The following DNAJC11 variants were observed in gnomAD, a reference collection of about 807,000 sequenced individuals.
DNAJC11 encodes the protein DnaJ heat shock protein family (Hsp40) member C11, also known as dnaJ homolog subfamily C member 11.
Under a neutral mutation model 78.6 loss-of-function variants are expected in DNAJC11, and 15 were observed. The ratio of observed to expected loss-of-function variants is 0.19; its 90% CI spans 0.13 to 0.29. The LOEUF is 0.29. Among genes scored for constraint, DNAJC11 ranks in the 10% least tolerant of loss-of-function variants. DNAJC11 has a pLI of 1.00. For missense variants in DNAJC11, 547 were observed against 709.6 expected, an observed-to-expected ratio of 0.77 and a Z score of 2.60; for synonymous variants, 292 against 272.1, an observed-to-expected ratio of 1.07 and a Z score of -0.72.
intron 7 of DNAJC11, among the ~76,000 whole-genome samples, chr1:6,650,130 G>C (rs1350068071): frequency 6.6e-6 from 1 of 150,644 alleles, no homozygotes; most frequent in African/African-American, 2.4e-5. Flanking sequence ...ACAAAAATTA[G>C]TCAGGCATGG....
At position 6,635,679 on chromosome 1, in the gene DNAJC11, C is replaced by T. The variant is rs756082894; in HGVS notation, c.1676G>A (p.Gly559Glu). The T allele has an allele frequency of 1.9e-6, 3 of 1,613,916 alleles. No individual in the cohort carries two copies. In the African/African-American group the frequency reaches 4.0e-5, roughly 22 times the overall value. Residue 559 changes from glycine to glutamate, a missense_variant, in exon 16 of 16, where the codon GGA becomes GAA. By Grantham distance (98) the Gly-to-Glu change is moderately conservative. Coordinates refer to ENST00000377577, the MANE Select transcript of DNAJC11 (RefSeq NM_018198.4). ...PKQSHRIDTD[G>E] ...AAAAATCTGGTTCTTGGCAGTTTATCCATCTGTATCGATCCTGTGGGCTGT... is the reference window on the plus strand; with the variant it reads ...AAAAATCTGGTTCTTGGCAGTTTATTCATCTGTATCGATCCTGTGGGCTGT...
Position 6,636,110 on chromosome 1 carries a change from T to C in DNAJC11, c.1654+7A>G. On this transcript the variant is annotated splice_region_variant and intron_variant, in intron 15 of 15. Transcript: ENST00000377577. ...TAGCTGGTGACTGCGAAGGGACGGC[T>C]ACTCACACTGCTTTGGTATCCGGAG... 2 of 1,613,376 alleles carry C rather than the reference T, an allele frequency of 1.2e-6. No homozygotes were observed. The highest frequency in any genetic ancestry group is 1.7e-6 in the Non-Finnish European group (2 of 1,179,652).
At chr1:6,642,525 G>T (rs1213199790) in intron 10 of DNAJC11, among the ~76,000 whole-genome samples, 1 of 152,088 alleles carries the variant, frequency 6.6e-6, no homozygotes, top group Admixed American at 6.6e-5. Context: ...CAAGTAGAAG[G>T]CCAGAGCTCT....
At chr1:6,646,003 G>A in intron 7 of DNAJC11, 25 bp from the exon 8 acceptor site, 1 of 1,610,762 alleles carries the variant, frequency 6.2e-7, no homozygotes, top group South Asian at 1.1e-5. Context: ...AGACAGAATA[G>A]GTCCTGGATA....
At chr1:6,672,891 A>T (rs1316032038) in intron 3 of DNAJC11, among the ~76,000 whole-genome samples, 2 of 152,114 alleles carry the variant, frequency 1.3e-5, no homozygotes, top group Non-Finnish European at 2.9e-5. Context: ...GAATCCATAC[A>T]ACTGCTGTTC....
rs777044711 is a variant in DNAJC11 at position 6,653,981 on chromosome 1, T to C, written c.437A>G (p.Tyr146Cys). ...TDLFDRYDEE[Y>C]EDVSGSSFPQ... is the part of the protein sequence containing the mutation. ...AAAGCTACTGCCGGACACATCTTCA[T>C]ACTCCTCATCATAGCGATCAAAAAG... The change falls in exon 5 of 16, where the codon TAT (tyrosine) becomes TGT (cysteine). Residue 146 changes from tyrosine to cysteine, a missense_variant. Physicochemically the swap from Tyr to Cys is radical, Grantham distance 194. Transcript: ENST00000377577. The surrounding 1 kb of genome is among the most constrained non-coding windows in gnomAD (Gnocchi z 4.5). 1.3e-5 allele frequency: 21 copies of C among 1,613,726 alleles called. No homozygotes were observed. The highest frequency in any genetic ancestry group is 1.7e-5 in the Non-Finnish European group (20 of 1,179,682).
chr1:6,658,318 C>T (rs12755051), intron 4 of DNAJC11, among the ~76,000 whole-genome samples: 45,817 of 152,120 alleles, frequency 0.3, 7,449 homozygotes, highest in South Asian at 0.47. Flanking sequence ...ACGAATGAGA[C>T]AATTACTAAT....
In DNAJC11 at chr1:6,634,910, T is replaced by TGGTGCAGGC. The variant is rs1641731658; in HGVS notation, c.*756_*764dup. The TGGTGCAGGC allele has an allele frequency of 1.7e-6, 2 of 1,176,294 alleles. No homozygotes were observed. Among genetic ancestry groups the TGGTGCAGGC allele is most frequent in the Non-Finnish European group, 1.1e-6 (1 of 927,344 alleles). The allele number at this position is 1,176,294 out of a possible 1,614,324, so 72.9% of individuals were successfully genotyped here. On this transcript the variant is annotated 3_prime_UTR_variant, in exon 16 of 16. Coordinates refer to ENST00000377577, the MANE Select transcript of DNAJC11 (RefSeq NM_018198.4). ...CCCAGCACTGCACTCTGGAGGTGGGTGGTGCAGGCGGTGGAGGGACACAGG... is the reference window on the plus strand; with the variant it reads ...CCCAGCACTGCACTCTGGAGGTGGGTGGTGCAGGCGGTGCAGGCGGTGGAGGGACACAGG...
chr1:6,644,420 C>T, intron 10 of DNAJC11, 138 bp downstream of exon 10: 1 of 710,804 alleles, frequency 1.4e-6, no homozygotes, highest in African/African-American at 1.7e-5. Context: ...AGGCATAAGC[C>T]ACTGCACCTA....
At chr1:6,650,012 A>T (rs1020764240) in intron 7 of DNAJC11, among the ~76,000 whole-genome samples, 2 of 151,250 alleles carry the variant, frequency 1.3e-5, no homozygotes, top group Non-Finnish European at 2.9e-5. Context: ...GCCTGGGCAC[A>T]GTGGCTCACA....
intron 10 of DNAJC11, 53 bp downstream of exon 10, chr1:6,644,505 T>C: frequency 7.8e-7 from 1 of 1,275,118 alleles, no homozygotes; most frequent in Middle Eastern, 1.8e-4. Context: ...TAAAGCCTGG[T>C]TGAGTGAAGG....
At chr1:6,640,634 C>G (rs1641861005) in intron 10 of DNAJC11, among the ~76,000 whole-genome samples, 1 of 152,000 alleles carries the variant, frequency 6.6e-6, no homozygotes, top group African/African-American at 2.4e-5. Flanking sequence ...GAATTTGAGA[C>G]CAGCCTGGCC....
chr1:6,678,307 C>T, intron 3 of DNAJC11, 87 bp downstream of exon 3: 1 of 1,278,572 alleles, frequency 7.8e-7, no homozygotes, highest in Non-Finnish European at 1.1e-6. Flanking sequence ...TTCCCAAAGA[C>T]AATATTACAG....
chr1:6,651,304 C>T, intron 7 of DNAJC11: 1 of 653,100 alleles, frequency 1.5e-6, no homozygotes, highest in African/African-American at 1.8e-5. Flanking sequence ...CTGGATGGTG[C>T]AGCCTGGCCA....
At position 6,643,476 on chromosome 1, in the gene DNAJC11, C is replaced by T. The variant is rs528153688; in HGVS notation, c.1097+1082G>A. On this transcript the variant is annotated intron_variant, in intron 10 of 15. Coordinates refer to ENST00000377577, the MANE Select transcript of DNAJC11 (RefSeq NM_018198.4). ...ATTTTTAGTAGAGACGGGGTTTCAC[C>T]GTGTTAGCCAGGATGGTCTCAATCT... Among the ~76,000 whole-genome samples, 190 of 151,970 alleles carry T rather than the reference C, an allele frequency of 1.3e-3. 2 individuals are homozygous for T. Among genetic ancestry groups the T allele is most frequent in the African/African-American group, 3.9e-3 (162 of 41,436 alleles).
In DNAJC11 at chr1:6,639,897, C is replaced by CTCACT; in HGVS notation, c.1253_1253+4dup. ...TAGTGACATGCCCATGACGTGTCAA[C>CTCACT]TCACTTCTCTTTCTGAGCCCTGAGG... On this transcript the variant is annotated splice_donor_region_variant and intron_variant, in intron 11 of 15. Coordinates refer to ENST00000377577, the MANE Select transcript of DNAJC11 (RefSeq NM_018198.4). The CTCACT allele has an allele frequency of 6.2e-7, 1 of 1,612,548 alleles. No individual in the cohort carries two copies. The highest frequency in any genetic ancestry group is 8.5e-7 in the Non-Finnish European group (1 of 1,179,456).
At position 6,634,875 on chromosome 1, in the gene DNAJC11, G is replaced by C. The variant is rs1641729992; in HGVS notation, c.*800C>G. On this transcript the variant is annotated 3_prime_UTR_variant, in exon 16 of 16. Transcript: ENST00000377577. ...CAAGCGCCTGGTCCTGTCCTCTTGA[G>C]CTGCCCTTGCCCAGCACTGCACTCT... The C allele has an allele frequency of 8.3e-7, 1 of 1,211,420 alleles. No individual in the cohort carries two copies. Among genetic ancestry groups the C allele is most frequent in the Non-Finnish European group, 1.1e-6 (1 of 944,774 alleles). 75.0% of individuals were successfully genotyped at this position (1,211,420 alleles called of 1,614,324 possible).
intron 1 of DNAJC11, among the ~76,000 whole-genome samples, chr1:6,698,176 C>G (rs951193270): frequency 6.6e-6 from 1 of 151,846 alleles, no homozygotes; most frequent in Admixed American, 6.6e-5. Flanking sequence ...CTGAACTCTA[C>G]TGAACATTGA....
chr1:6,645,691 G>T lies in DNAJC11; in HGVS notation c.894+98C>A. On this transcript the variant is annotated intron_variant, in intron 8 of 15. Coordinates refer to ENST00000377577, the MANE Select transcript of DNAJC11 (RefSeq NM_018198.4). This position sits in a 1 kb window ranked among gnomAD's most constrained non-coding sequence, Gnocchi z 4.1. ...GGCCCTGTATGGGCTTAGACTTAGT[G>T]GTGATCAGGACGCAGGATTTAAGGG... 7.2e-7 allele frequency: 1 copy of T among 1,385,198 alleles called. No homozygotes were observed. The highest frequency in any genetic ancestry group is 1.0e-6 in the Non-Finnish European group (1 of 995,570). The allele number at this position is 1,385,198 out of a possible 1,614,324, so 85.8% of individuals were successfully genotyped here.
Sources: gnomAD v4.1 joint callset for allele counts (sites outside exome capture counted in the v4.1 genomes callset) on GRCh38, gnomAD v4.1.1 for gene constraint, Gnocchi (gnomAD v3.1) non-coding constraint, MANE v1.5 for transcripts, NCBI Gene and HGNC (gene_info 2026-07-23, HGNC 2026-07-21) for gene names.